Variants in NRXN3 observed in about 807,000 individuals in gnomAD.
The protein encoded by NRXN3 is neurexin III.
In NRXN3, 32 loss-of-function variants were observed where a neutral mutation model predicts 137.6. The ratio of observed to expected loss-of-function variants is 0.23; its 90% CI spans 0.18 to 0.31. The LOEUF (loss-of-function observed/expected upper bound fraction) is 0.31, where lower values mean the gene tolerates loss of function less well. Ranked by LOEUF, NRXN3 falls within the 10% of genes least tolerant of loss-of-function variation. The pLI is 1.00. For synonymous variants in NRXN3, 798 were observed against 784.5 expected (o/e 1.02, Z -0.29); for missense variants, 1,574 against 2,062.5 (o/e 0.76, Z 4.59).
chr14:79,280,138 A>C, intron 15 of NRXN3: 1 of 1,465,058 alleles, frequency 6.8e-7, no homozygotes, highest in Non-Finnish European at 9.0e-7. Flanking sequence ...TTTTTAACTG[A>C]TTCATTGTTT....
chr14:79,418,405 T>C (rs1307903755), intron 15 of NRXN3, among the ~76,000 whole-genome samples: 2 of 152,250 alleles, frequency 1.3e-5, no homozygotes, highest in Non-Finnish European at 2.9e-5. Flanking sequence ...AGATTTGGTT[T>C]CATTTTAGTG....
At chr14:79,493,907 G>A (rs1308628433) in intron 16 of NRXN3, among the ~76,000 whole-genome samples, 1 of 152,200 alleles carries the variant, frequency 6.6e-6, no homozygotes, top group African/African-American at 2.4e-5. Context: ...GGCTGTCACA[G>A]TAGCGACCAA....
chr14:79,360,902 CAGT>C (rs2093659883), intron 15 of NRXN3, among the ~76,000 whole-genome samples: 1 of 152,142 alleles, frequency 6.6e-6, no homozygotes, highest in Non-Finnish European at 1.5e-5. Context: ...ACAATCTGTG[CAGT>C]AGTAGTTGCT....
At chr14:79,168,407 T>C (rs2061479554) in intron 15 of NRXN3, among the ~76,000 whole-genome samples, 1 of 152,106 alleles carries the variant, frequency 6.6e-6, no homozygotes, top group Non-Finnish European at 1.5e-5. Flanking sequence ...GAATATTTTT[T>C]ACTCCATACC....
chr14:78,691,180 A>G (rs1166522874), intron 6 of NRXN3, among the ~76,000 whole-genome samples: 1 of 152,190 alleles, frequency 6.6e-6, no homozygotes, highest in Non-Finnish European at 1.5e-5. Context: ...ATGGAGGCCT[A>G]TATAAATTTG....
At chr14:79,495,618 A>G (rs189824245) in intron 16 of NRXN3, among the ~76,000 whole-genome samples, 34 of 152,314 alleles carry the variant, frequency 2.2e-4, no homozygotes, top group Non-Finnish European at 3.7e-4. Flanking sequence ...AGCATTTTAC[A>G]TTTAATCCTT....
chr14:79,326,876 A>G (rs539206165), intron 15 of NRXN3, among the ~76,000 whole-genome samples: 171 of 152,330 alleles, frequency 1.1e-3, no homozygotes, highest in African/African-American at 4.0e-3. Context: ...TGCCTTATTT[A>G]CAAACTGGTC....
chr14:78,261,304 T>C (rs2070684192), intron 2 of NRXN3, among the ~76,000 whole-genome samples: 1 of 152,172 alleles, frequency 6.6e-6, no homozygotes, highest in South Asian at 2.1e-4. Flanking sequence ...ACATAACTGA[T>C]TTTGCTCTGC....
chr14:78,608,035 G>A (rs1335536660), intron 4 of NRXN3, among the ~76,000 whole-genome samples: 1 of 152,132 alleles, frequency 6.6e-6, no homozygotes, highest in Admixed American at 6.5e-5. Context: ...AGACAGGAGG[G>A]AAATGGCCCT....
intron 10 of NRXN3, among the ~76,000 whole-genome samples, chr14:78,889,411 CT>C (rs1397511822): frequency 7.9e-5 from 12 of 151,906 alleles, no homozygotes; most frequent in African/African-American, 2.9e-4. Context: ...GGATCATGAC[CT>C]TATTTCCTTT....
intron 20 of NRXN3, among the ~76,000 whole-genome samples, chr14:79,828,694 A>G (rs2099313400): frequency 6.7e-6 from 1 of 149,316 alleles, no homozygotes; most frequent in African/African-American, 2.5e-5. Flanking sequence ...AATGAAAGAG[A>G]CAGGAATAGA....
intron 6 of NRXN3, among the ~76,000 whole-genome samples, chr14:78,685,721 C>A (rs190862912): frequency 4.0e-5 from 6 of 150,716 alleles, no homozygotes; most frequent in South Asian, 4.2e-4. Flanking sequence ...CAACCTCCAC[C>A]TCCTGGGTTC....
chr14:79,017,585 A>G (rs1246427106), intron 15 of NRXN3, among the ~76,000 whole-genome samples: 1 of 152,156 alleles, frequency 6.6e-6, no homozygotes, highest in Admixed American at 6.5e-5. Flanking sequence ...ACCTAGGACT[A>G]AGGTCAATCA....
intron 10 of NRXN3, among the ~76,000 whole-genome samples, chr14:78,862,164 C>G (rs1459411120): frequency 6.6e-6 from 1 of 152,012 alleles, no homozygotes; most frequent in East Asian, 1.9e-4. Flanking sequence ...GGAGACCTTT[C>G]TAGTTGGTGA....
intron 16 of NRXN3, among the ~76,000 whole-genome samples, chr14:79,580,017 T>C (rs892719991): frequency 2.6e-5 from 4 of 152,196 alleles, no homozygotes; most frequent in South Asian, 2.1e-4. Context: ...CATTTTTAGC[T>C]CTCATATGTG....
At chr14:79,630,547 A>C (rs2098334027) in intron 16 of NRXN3, among the ~76,000 whole-genome samples, 1 of 152,174 alleles carries the variant, frequency 6.6e-6, no homozygotes. Flanking sequence ...ACATTTATTT[A>C]CGTACCAAAA....
intron 4 of NRXN3, among the ~76,000 whole-genome samples, chr14:78,456,274 A>G (rs929606307): frequency 1.3e-5 from 2 of 152,188 alleles, no homozygotes; most frequent in Non-Finnish European, 2.9e-5. Flanking sequence ...AAACCTTGTA[A>G]AGAAAAGTAC....
At chr14:78,563,327 G>A (rs143938178) in intron 4 of NRXN3, among the ~76,000 whole-genome samples, 1 of 152,282 alleles carries the variant, frequency 6.6e-6, no homozygotes, top group African/African-American at 2.4e-5. Flanking sequence ...TTTATTGGGG[G>A]GCTATCTTTG....
chr14:79,818,210 C>T (rs1026289176), intron 20 of NRXN3, among the ~76,000 whole-genome samples: 4 of 152,000 alleles, frequency 2.6e-5, no homozygotes, highest in South Asian at 4.1e-4. Flanking sequence ...CCCGCCACCA[C>T]GCCTGGCTAA....
Sources: gnomAD v4.1 joint callset for allele counts (sites outside exome capture counted in the v4.1 genomes callset) on GRCh38, gnomAD v4.1.1 for gene constraint, MANE v1.5 for transcripts, NCBI Gene and HGNC (gene_info 2026-07-23, HGNC 2026-07-21) for gene names.